GALM: variants seen among roughly 807,000 people sequenced by gnomAD.
The protein encoded by GALM is galactose mutarotase, also known as aldose 1-epimerase.
A neutral mutation model predicts 37.4 loss-of-function variants in GALM; 43 were observed. The ratio of observed to expected loss-of-function variants is 1.15; its 90% CI spans 0.90 to 1.48. GALM has a LOEUF of 1.48. GALM is among the 40% of genes most tolerant of loss of function. The pLI is 0.00. For missense variants in GALM, 456 were observed against 419.1 expected (o/e 1.09, Z -0.77); for synonymous variants, 199 against 170.6 (o/e 1.17, Z -1.30).
intron 3 of GALM, among the ~76,000 whole-genome samples, chr2:38,685,141 T>C (rs1283517963): frequency 1.3e-5 from 2 of 152,210 alleles, no homozygotes; most frequent in African/African-American, 4.8e-5. Flanking sequence ...TCCAGCCAAC[T>C]TTCTCTGATT....
intron 3 of GALM, among the ~76,000 whole-genome samples, chr2:38,682,925 A>C (rs892812629): frequency 3.9e-5 from 6 of 152,028 alleles, no homozygotes; most frequent in Non-Finnish European, 7.4e-5. Context: ...CTTAAAAACG[A>C]AACAAAAGAC....
At chr2:38,708,178 T>C (rs1191063387) in intron 4 of GALM, among the ~76,000 whole-genome samples, 2 of 150,828 alleles carry the variant, frequency 1.3e-5, no homozygotes, top group Non-Finnish European at 3.0e-5. Context: ...CTTGCACCTG[T>C]AGTACCAGTT....
chr2:38,676,082 G>T lies in GALM; in HGVS notation c.345+16G>T. On this transcript the variant is annotated intron_variant, in intron 2 of 6. Transcript: ENST00000272252. ...GTTTGATAAAGTAAGTACGGCACAT[G>T]TGACTGAGTTCCCTTTAGGCTCACT... 1 of 1,613,376 alleles carries T rather than the reference G, an allele frequency of 6.2e-7. No individual in the cohort carries two copies. Among genetic ancestry groups the T allele is most frequent in the Non-Finnish European group, 8.5e-7 (1 of 1,179,464 alleles).
chr2:38,705,609 A>T (rs1314757876), intron 4 of GALM, among the ~76,000 whole-genome samples: 2 of 152,204 alleles, frequency 1.3e-5, no homozygotes, highest in Non-Finnish European at 2.9e-5. Flanking sequence ...CACAGAATGC[A>T]GGAGTGGTGA....
intron 4 of GALM, 98 bp downstream of exon 4, chr2:38,689,992 A>T (rs1440431917): frequency 8.8e-6 from 6 of 684,672 alleles, no homozygotes; most frequent in Admixed American, 8.5e-5. Flanking sequence ...ATCTTAATAA[A>T]GTCTACAGTT....
At chr2:38,720,544 C>T (rs947397963) in intron 4 of GALM, among the ~76,000 whole-genome samples, 2 of 151,866 alleles carry the variant, frequency 1.3e-5, no homozygotes, top group African/African-American at 2.4e-5. Context: ...TAGATGCTAG[C>T]AGTATACTAG....
intron 1 of GALM, chr2:38,668,105 T>C (rs1350113403): frequency 6.6e-6 from 1 of 152,262 alleles, no homozygotes; most frequent in Non-Finnish European, 1.5e-5. Context: ...TGGATTGTTT[T>C]CCTTGTATCT....
intron 4 of GALM, among the ~76,000 whole-genome samples, chr2:38,710,013 AGC>A (rs932936964): frequency 3.9e-5 from 6 of 152,204 alleles, no homozygotes; most frequent in African/African-American, 1.4e-4. Context: ...ACCAGACTCT[AGC>A]ACCACGTGCT....
intron 3 of GALM, 113 bp downstream of exon 3, chr2:38,681,599 A>T (rs1665398592): frequency 3.5e-6 from 3 of 869,138 alleles, no homozygotes; most frequent in African/African-American, 1.7e-5. Context: ...CACCCTCATG[A>T]TGATGAAAAG....
intron 4 of GALM, among the ~76,000 whole-genome samples, chr2:38,703,052 TTTTATATATATATATATATATATA>T (rs1665951219): frequency 3.2e-5 from 1 of 31,664 alleles, no homozygotes; most frequent in African/African-American, 1.1e-4. Context: ...ATATGTGGGA[TTTTATATATATATATATATATATA>T]TATATATATA....
chr2:38,687,664 T>G (rs911833497), intron 3 of GALM, among the ~76,000 whole-genome samples: 1 of 151,546 alleles, frequency 6.6e-6, no homozygotes, highest in Admixed American at 6.6e-5. Flanking sequence ...TGACCCAAGA[T>G]TGCGCCACTG....
intron 4 of GALM, 61 bp downstream of exon 4, chr2:38,689,955 A>G (rs1665633093): frequency 3.3e-6 from 3 of 921,826 alleles, no homozygotes; most frequent in Non-Finnish European, 3.5e-6. Flanking sequence ...GAGGCCAAGA[A>G]AGGACATTAG....
At chr2:38,696,074 GAAAAGCCTCTAT>G (rs1665798072) in intron 4 of GALM, among the ~76,000 whole-genome samples, 2 of 151,900 alleles carry the variant, frequency 1.3e-5, no homozygotes, top group African/African-American at 4.8e-5. Flanking sequence ...CTCCTGGAGA[GAAAAGCCTCTAT>G]TATTGTCACT....
intron 1 of GALM, chr2:38,668,554 A>G (rs1394615355): frequency 6.6e-6 from 1 of 152,202 alleles, no homozygotes; most frequent in Non-Finnish European, 1.5e-5. Context: ...GAGGATGGGA[A>G]GGAGACTTAA....
chr2:38,727,044 C>A (rs1369472600), intron 4 of GALM, among the ~76,000 whole-genome samples: 1 of 151,792 alleles, frequency 6.6e-6, no homozygotes, highest in East Asian at 1.9e-4. Flanking sequence ...GTTGAAACCC[C>A]GTCTCTACAA....
intron 4 of GALM, among the ~76,000 whole-genome samples, chr2:38,695,453 G>A (rs1475066954): frequency 2.6e-5 from 4 of 152,240 alleles, no homozygotes; most frequent in African/African-American, 9.6e-5. Context: ...CTGGGGAGAT[G>A]CTGGATAATG....
At chr2:38,674,648 C>T (rs13384427) in intron 1 of GALM, among the ~76,000 whole-genome samples, 42,419 of 151,898 alleles carry the variant, frequency 0.28, 9,119 homozygotes, top group African/African-American at 0.58. Flanking sequence ...CTAACTCTCT[C>T]TAAAGGATAT....
intron 3 of GALM, among the ~76,000 whole-genome samples, chr2:38,685,935 A>C (rs540534322): frequency 6.6e-4 from 100 of 150,754 alleles, no homozygotes; most frequent in Admixed American, 1.5e-3. Context: ...CTGGTCTTGA[A>C]CTCCTGACCT....
Position 38,729,684 on chromosome 2 carries a change from C to A in GALM, c.763C>A (p.His255Asn), listed in dbSNP as rs911411022. The change falls in exon 5 of 7, where the codon CAT (histidine) becomes AAT (asparagine). Residue 255 changes from histidine (H) to asparagine (N), a missense_variant. By Grantham distance (68) the His-to-Asn change is moderately conservative. Transcript: ENST00000272252. ...CTGTCTGAAGGGATCTAAAGAAAAG[C>A]ATTTTTGTGCAAGGTCAGGTACTTT... ...NFCLKGSKEK[H>N]FCARVHHAAS... 1.2e-6 allele frequency: 2 copies of A among 1,612,400 alleles called. No homozygotes were observed. Among genetic ancestry groups the A allele is most frequent in the African/African-American group, 2.7e-5 (2 of 74,858 alleles).
Sources: gnomAD v4.1 joint callset for allele counts (sites outside exome capture counted in the v4.1 genomes callset) on GRCh38, gnomAD v4.1.1 for gene constraint, MANE v1.5 for transcripts, NCBI Gene and HGNC (gene_info 2026-07-23, HGNC 2026-07-21) for gene names.